NR5A2: variants seen among roughly 807,000 people sequenced by gnomAD.
The protein encoded by NR5A2 is CYP7A promoter-binding factor.
NR5A2 carries 26 observed loss-of-function variants against 62.7 expected under a neutral mutation model. The observed-to-expected ratio is 0.41, with a 90% CI of 0.30 to 0.58. The LOEUF is 0.58. Ranked by LOEUF, NR5A2 falls within the 20% of genes least tolerant of loss-of-function variation. NR5A2 has a pLI of 0.22. For missense variants in NR5A2, 541 were observed against 669.1 expected (o/e 0.81, Z 2.11); for synonymous variants, 246 against 241.7 (o/e 1.02, Z -0.16).
intron 5 of NR5A2, among the ~76,000 whole-genome samples, chr1:200,049,860 G>C (rs1662545286): frequency 1.3e-5 from 2 of 152,222 alleles, no homozygotes; most frequent in South Asian, 4.1e-4. Context: ...GTCTGTGTAA[G>C]TAGATGGTCT....
chr1:200,096,515 A>T (rs1412523442), intron 5 of NR5A2, among the ~76,000 whole-genome samples: 1 of 152,182 alleles, frequency 6.6e-6, no homozygotes, highest in Admixed American at 6.5e-5. Flanking sequence ...GTATCTGTCT[A>T]CACAAGCAGA....
At chr1:200,164,695 C>T (rs930195148) in intron 7 of NR5A2, among the ~76,000 whole-genome samples, 2 of 145,126 alleles carry the variant, frequency 1.4e-5, no homozygotes, top group Admixed American at 6.9e-5. Flanking sequence ...TTACAGGTGC[C>T]AGCCACCACA....
chr1:200,150,657 T>C (rs1226929587), intron 7 of NR5A2, among the ~76,000 whole-genome samples: 4 of 152,112 alleles, frequency 2.6e-5, no homozygotes, highest in African/African-American at 4.8e-5. Flanking sequence ...GAGTAGAGGG[T>C]TGGGAGAGAG....
chr1:200,091,303 C>A (rs1332225895), intron 5 of NR5A2, among the ~76,000 whole-genome samples: 2 of 152,026 alleles, frequency 1.3e-5, no homozygotes. Context: ...TCACTAAACC[C>A]TTACAACAAG....
intron 6 of NR5A2, among the ~76,000 whole-genome samples, chr1:200,112,582 T>C (rs2737673): frequency 0.37 from 56,284 of 152,068 alleles, 11,107 homozygotes; most frequent in South Asian, 0.45. Flanking sequence ...CCCAATCAAA[T>C]TAAAAGCAAG....
At chr1:200,073,509 TATA>T (rs987873443) in intron 5 of NR5A2, among the ~76,000 whole-genome samples, 1 of 151,720 alleles carries the variant, frequency 6.6e-6, no homozygotes, top group Non-Finnish European at 1.5e-5. Flanking sequence ...ATCTTAAAAT[TATA>T]ATACCTAAGA....
chr1:200,115,174 TTTAATA>T (rs1666160335), intron 6 of NR5A2, among the ~76,000 whole-genome samples: 1 of 152,190 alleles, frequency 6.6e-6, no homozygotes, highest in African/African-American at 2.4e-5. Flanking sequence ...ATGAAATTAT[TTTAATA>T]TTAAGAAAAA....
intron 7 of NR5A2, among the ~76,000 whole-genome samples, chr1:200,146,218 A>G (rs927841009): frequency 4.6e-5 from 7 of 151,972 alleles, no homozygotes; most frequent in Non-Finnish European, 1.0e-4. Context: ...TGAGTTTTGC[A>G]TTGGTAGATA....
At chr1:200,042,720 A>C in intron 2 of NR5A2, 590 of 542,818 alleles carry the variant, frequency 1.1e-3, no homozygotes, top group Middle Eastern at 1.8e-3. Flanking sequence ...GTGCCCGCCC[A>C]CCCGCGCCCC....
chr1:200,075,749 C>G (rs1663997750), intron 5 of NR5A2, among the ~76,000 whole-genome samples: 1 of 152,186 alleles, frequency 6.6e-6, no homozygotes, highest in South Asian at 2.1e-4. Flanking sequence ...TTGCCCTCCT[C>G]CTTTTAACAC....
At position 200,174,062 on chromosome 1, in the gene NR5A2, C is replaced by G. The variant is rs1473041723; in HGVS notation, c.1478C>G (p.Thr493Arg). ...DYTMCNYPQQ[T>R]EKFGQLLLRL... ...ACAATGTGTAACTACCCGCAGCAGA[C>G]AGAGAAATTTGGACAGCTACTTCTT... Residue 493 changes from threonine to arginine, a missense_variant, in exon 8 of 8, where the codon ACA becomes AGA. This residue lies in a region of NR5A2 where 379 missense variants were observed against 442.0 expected (regional missense o/e 0.86). Coordinates refer to ENST00000367362, the MANE Select transcript of NR5A2 (RefSeq NM_205860.3). 1 of 1,612,944 alleles carries G rather than the reference C, an allele frequency of 6.2e-7. No individual in the cohort carries two copies. The highest frequency in any genetic ancestry group is 8.5e-7 in the Non-Finnish European group (1 of 1,179,854).
intron 5 of NR5A2, among the ~76,000 whole-genome samples, chr1:200,073,874 C>G (rs1384446895): frequency 1.3e-5 from 2 of 152,188 alleles, no homozygotes; most frequent in Non-Finnish European, 2.9e-5. Context: ...TGCTGGGAGA[C>G]AGACTTTTGA....
At chr1:200,060,652 C>T (rs942271081) in intron 5 of NR5A2, among the ~76,000 whole-genome samples, 4 of 152,186 alleles carry the variant, frequency 2.6e-5, no homozygotes, top group Non-Finnish European at 5.9e-5. Context: ...AACCATGTAT[C>T]CACACAGTCC....
At chr1:200,038,375 C>CA (rs1282843724) in intron 1 of NR5A2, among the ~76,000 whole-genome samples, 1 of 152,166 alleles carries the variant, frequency 6.6e-6, no homozygotes, top group African/African-American at 2.4e-5. Context: ...GACTAGGGAG[C>CA]AGACTGGGGA....
At position 200,095,584 on chromosome 1, in the gene NR5A2, A is replaced by G. The variant is rs1268481560; in HGVS notation, c.1111-15618A>G. Among the ~76,000 whole-genome samples, 4 of 150,196 alleles carry G rather than the reference A, an allele frequency of 2.7e-5. No homozygotes were observed. In the South Asian group the frequency reaches 6.3e-4, roughly 24 times the overall value. On this transcript the variant is annotated intron_variant, in intron 5 of 7. Transcript: ENST00000367362. ...TATTTTTTTTTTGAGATGGAGTCTCACACTCTCGCCCAGGCTGGAGTGCAG... is the reference window on the plus strand; with the variant it reads ...TATTTTTTTTTTGAGATGGAGTCTCGCACTCTCGCCCAGGCTGGAGTGCAG...
At chr1:200,058,573 C>T (rs772851422) in intron 5 of NR5A2, 6 of 151,848 alleles carry the variant, frequency 4.0e-5, no homozygotes, top group Non-Finnish European at 7.4e-5. Context: ...CTCCGCCTTC[C>T]CGGTTCAAGC....
intron 5 of NR5A2, among the ~76,000 whole-genome samples, chr1:200,073,593 GAC>G (rs1246305923): frequency 6.6e-6 from 1 of 151,802 alleles, no homozygotes; most frequent in African/African-American, 2.4e-5. Flanking sequence ...GTTTAGTACA[GAC>G]ACAATTTGTT....
chr1:200,113,198 C>T (rs1411273223), intron 6 of NR5A2, among the ~76,000 whole-genome samples: 1 of 152,072 alleles, frequency 6.6e-6, no homozygotes, highest in Non-Finnish European at 1.5e-5. Flanking sequence ...TATATGTTTC[C>T]TGCAGCCTGG....
At chr1:200,159,124 G>C (rs1317140570) in intron 7 of NR5A2, among the ~76,000 whole-genome samples, 2 of 151,842 alleles carry the variant, frequency 1.3e-5, no homozygotes, top group South Asian at 4.2e-4. Context: ...CTCCTGGCCT[G>C]AAGCAATCCT....
Sources: allele counts gnomAD v4.1 joint callset (sites outside exome capture counted in the v4.1 genomes callset), GRCh38; gene constraint gnomAD v4.1.1; regional missense constraint gnomAD v4.1.1; transcripts MANE v1.5; gene names NCBI Gene and HGNC (gene_info 2026-07-23, HGNC 2026-07-21).